The following ITGB6 variants were observed in gnomAD, a reference collection of about 807,000 sequenced individuals.
The protein encoded by ITGB6 is integrin subunit beta 6.
In ITGB6, 80 loss-of-function variants were observed where a neutral mutation model predicts 84.5. The ratio of observed to expected loss-of-function variants is 0.95; its 90% confidence interval spans 0.79 to 1.14. ITGB6 has a LOEUF of 1.14. Ranked by LOEUF, ITGB6 falls within the 50% of genes most tolerant of loss-of-function variation. The pLI, the probability that ITGB6 is intolerant of heterozygous loss-of-function variation, is 0.00. For missense variants in ITGB6, 1,006 were observed against 968.0 expected (o/e 1.04, Z -0.52); for synonymous variants, 383 against 354.9 (o/e 1.08, Z -0.89).
chr2:160,150,254 A>C (rs960021462), intron 7 of ITGB6, among the ~76,000 whole-genome samples: 1 of 152,214 alleles, frequency 6.6e-6, no homozygotes, highest in African/African-American at 2.4e-5. Flanking sequence ...TTAACAACAG[A>C]TCTCTCGGCA....
intron 7 of ITGB6, among the ~76,000 whole-genome samples, chr2:160,146,210 A>G (rs961585755): frequency 1.3e-5 from 2 of 152,164 alleles, no homozygotes; most frequent in African/African-American, 4.8e-5. Flanking sequence ...TTATTATTTT[A>G]ATGGATGCAT....
At chr2:160,198,933 T>TA (rs1220687641) in intron 2 of ITGB6, among the ~76,000 whole-genome samples, 1 of 152,178 alleles carries the variant, frequency 6.6e-6, no homozygotes, top group Non-Finnish European at 1.5e-5. Context: ...CCAGGTAAAA[T>TA]AAAAAAATCC....
rs530813835 is a variant in ITGB6, at chr2:160,100,409, T to A, written c.*1327A>T. On this transcript the variant is annotated 3_prime_UTR_variant, in exon 15 of 15. Coordinates refer to ENST00000283249, the MANE Select transcript of ITGB6 (RefSeq NM_000888.5). ...AAACAAATGACAGTTATCACTTAAC[T>A]AACACAATCTTTCTATTATTTCACT... 6.6e-6 allele frequency: 1 copy of A among 152,370 alleles called. No homozygotes were observed. Among genetic ancestry groups the A allele is most frequent in the East Asian group, 1.9e-4 (1 of 5,192 alleles). 9.4% of individuals were successfully genotyped at this position (152,370 alleles called of 1,614,324 possible).
At chr2:160,198,363 G>A (rs1574154243) in intron 2 of ITGB6, among the ~76,000 whole-genome samples, 1 of 152,188 alleles carries the variant, frequency 6.6e-6, no homozygotes, top group Non-Finnish European at 1.5e-5. Context: ...TCTGAGTTTG[G>A]TGTCGAGGTT....
chr2:160,187,013 G>A (rs749111574), intron 4 of ITGB6, among the ~76,000 whole-genome samples: 10 of 152,036 alleles, frequency 6.6e-5, no homozygotes, highest in Non-Finnish European at 8.8e-5. Flanking sequence ...AATACCTAAC[G>A]TAGATGACGG....
At position 160,107,680 on chromosome 2, in the gene ITGB6, G is replaced by A. The variant is rs150867142; in HGVS notation, c.2267C>T (p.Thr756Met). ...EAERSKAKWQTGTNPLYRGST... is the reference protein window; with the variant it reads ...EAERSKAKWQMGTNPLYRGST... ...GAGTAGCCCTAAGTTTCCACATACC[G>A]TTTGCCACTTGGCTTTTGATCGTTC... Residue 756 changes from threonine (T) to methionine (M), a missense_variant and splice_region_variant, in exon 14 of 15, where the codon ACG (threonine) becomes ATG (methionine). Coordinates refer to ENST00000283249, the MANE Select transcript of ITGB6 (RefSeq NM_000888.5). The A allele has an allele frequency of 4.5e-5, 72 of 1,613,580 alleles. No homozygotes were observed. In the African/African-American group the frequency reaches 5.3e-4, roughly 12 times the overall value.
chr2:160,193,909 C>T (rs1375512092), intron 4 of ITGB6, among the ~76,000 whole-genome samples: 2 of 152,208 alleles, frequency 1.3e-5, no homozygotes, highest in Non-Finnish European at 2.9e-5. Context: ...GTAATCCCAG[C>T]ACTTTGGGAG....
chr2:160,163,896 C>A (rs1377040626), intron 7 of ITGB6, among the ~76,000 whole-genome samples: 1 of 152,192 alleles, frequency 6.6e-6, no homozygotes, highest in Non-Finnish European at 1.5e-5. Flanking sequence ...CAAACGTTCC[C>A]TATTACACTA....
rs575678282 is a variant in ITGB6 at position 160,119,620 on chromosome 2, T to A, written c.1981+4171A>T. Among the ~76,000 whole-genome samples the A allele has an allele frequency of 5.5e-3, 831 of 152,014 alleles. 7 individuals carry two copies. Among genetic ancestry groups the A allele is most frequent in the African/African-American group, 0.019 (801 of 41,410 alleles). On this transcript the variant is annotated intron_variant, in intron 12 of 14. Coordinates refer to ENST00000283249, the MANE Select transcript of ITGB6 (RefSeq NM_000888.5). The stretch of plus-strand genomic sequence containing the variant: ...CATAGGCATGGGCAAGGACTTCATG[T>A]CTAAAACACCAAAAGCAATGGCAAC...
chr2:160,112,216 C>T lies in ITGB6; in HGVS notation c.1982-17G>A, dbSNP rs755518070. 6.4e-7 allele frequency: 1 copy of T among 1,571,462 alleles called. No homozygotes were observed. Among genetic ancestry groups the T allele is most frequent in the South Asian group, 1.1e-5 (1 of 88,916 alleles). ...TTGAGAAATCTGCAGATAAAGGAGT[C>T]ATTCATTAGGTTAAACAAGATTCCA... On this transcript the variant is annotated splice_polypyrimidine_tract_variant and intron_variant, in intron 12 of 14. Transcript: ENST00000283249.
chr2:160,142,634 G>T (rs1406703938), intron 7 of ITGB6, among the ~76,000 whole-genome samples: 1 of 152,210 alleles, frequency 6.6e-6, no homozygotes, highest in Non-Finnish European at 1.5e-5. Flanking sequence ...CTAGCACCGT[G>T]CTGGGGTTGG....
At chr2:160,190,948 C>T (rs1266282870) in intron 4 of ITGB6, among the ~76,000 whole-genome samples, 3 of 152,148 alleles carry the variant, frequency 2.0e-5, no homozygotes, top group Non-Finnish European at 4.4e-5. Context: ...AGAGGTGGCA[C>T]TTTGGAGTTC....
chr2:160,147,791 C>A (rs1246319422), intron 7 of ITGB6, among the ~76,000 whole-genome samples: 1 of 152,090 alleles, frequency 6.6e-6, no homozygotes, highest in Non-Finnish European at 1.5e-5. Context: ...AAAATCTAGA[C>A]ACATTATTAC....
chr2:160,113,234 C>T (rs74927604), intron 12 of ITGB6, among the ~76,000 whole-genome samples: 4,075 of 152,314 alleles, frequency 0.027, 73 homozygotes, highest in South Asian at 0.077. Flanking sequence ...CTTATAACCT[C>T]TCCCATTAGC....
At chr2:160,184,793 G>A (rs768595311) in intron 4 of ITGB6, among the ~76,000 whole-genome samples, 42 of 152,320 alleles carry the variant, frequency 2.8e-4, no homozygotes, top group African/African-American at 9.1e-4. Context: ...GATCAAGCTG[G>A]CTTCATCCCT....
At chr2:160,125,285 C>G (rs10497211) in intron 11 of ITGB6, among the ~76,000 whole-genome samples, 10,061 of 152,292 alleles carry the variant, frequency 0.066, 379 homozygotes, top group Middle Eastern at 0.14. Flanking sequence ...GAAAAATGGA[C>G]TCATCTCAAA....
intron 4 of ITGB6, among the ~76,000 whole-genome samples, chr2:160,193,543 C>T (rs989007640): frequency 6.6e-6 from 1 of 152,144 alleles, no homozygotes; most frequent in African/African-American, 2.4e-5. Context: ...ATATTGATTG[C>T]AATGGTATAT....
At chr2:160,145,001 C>T (rs1684136698) in intron 7 of ITGB6, among the ~76,000 whole-genome samples, 1 of 152,184 alleles carries the variant, frequency 6.6e-6, no homozygotes, top group Non-Finnish European at 1.5e-5. Flanking sequence ...ATTTGGCTTC[C>T]TGCTCTAACA....
chr2:160,167,971 T>C (rs1352239697), intron 7 of ITGB6, among the ~76,000 whole-genome samples: 1 of 107,788 alleles, frequency 9.3e-6, no homozygotes. Flanking sequence ...CTCACTATTG[T>C]ATTTGGGGGT....
Sources: allele counts gnomAD v4.1 joint callset (sites outside exome capture counted in the v4.1 genomes callset), GRCh38; gene constraint gnomAD v4.1.1; transcripts MANE v1.5; gene names NCBI Gene and HGNC (gene_info 2026-07-23, HGNC 2026-07-21).